The following EPS15 variants were observed in gnomAD, a reference collection of about 807,000 sequenced individuals.
The protein encoded by EPS15 is epidermal growth factor receptor pathway substrate 15.
A neutral mutation model predicts 113.8 loss-of-function variants in EPS15; 72 were observed. The observed-to-expected ratio is 0.63, with a 90% CI of 0.52 to 0.77. EPS15 has a LOEUF of 0.77. EPS15 is among the 30% of genes least tolerant of loss of function. The pLI, the probability that EPS15 is intolerant of heterozygous loss-of-function variation, is 0.00. For missense variants in EPS15, 1,048 were observed against 1,045.8 expected (o/e 1.00, Z -0.03); for synonymous variants, 344 against 363.4 (o/e 0.95, Z 0.61).
At chr1:51,373,900 G>A (rs1179352556) in intron 21 of EPS15, among the ~76,000 whole-genome samples, 6 of 152,104 alleles carry the variant, frequency 3.9e-5, no homozygotes, top group African/African-American at 9.7e-5. Flanking sequence ...GCAGTGAGCC[G>A]AGATTGCACC....
intron 16 of EPS15, among the ~76,000 whole-genome samples, 186 bp downstream of exon 16, chr1:51,405,719 A>G (rs150403504): frequency 6.6e-6 from 1 of 151,880 alleles, no homozygotes; most frequent in African/African-American, 2.4e-5. Context: ...AAAATTAGCT[A>G]AAGTTATCTT....
intron 1 of EPS15, among the ~76,000 whole-genome samples, chr1:51,489,286 C>CATATATATATATATATATATATATATAT (rs71063034): frequency 1.1e-4 from 15 of 141,732 alleles, no homozygotes; most frequent in African/African-American, 4.0e-4. Flanking sequence ...CCTAGTATAC[C>CATATATATATATATATATATATATATAT]ATATATATAT....
intron 1 of EPS15, among the ~76,000 whole-genome samples, chr1:51,503,894 C>T (rs977016333): frequency 1.3e-5 from 2 of 151,968 alleles, no homozygotes. Context: ...CAAAAGATAT[C>T]CACTAGCAAA....
At chr1:51,437,977 C>A (rs556474146) in intron 12 of EPS15, among the ~76,000 whole-genome samples, 1 of 152,040 alleles carries the variant, frequency 6.6e-6, no homozygotes, top group Non-Finnish European at 1.5e-5. Flanking sequence ...ATGGAAAAAA[C>A]GGTTATTCAC....
rs111863434 is a variant in EPS15 at position 51,505,119 on chromosome 1, C to CA, written c.33+14079dup. On this transcript the variant is annotated intron_variant, in intron 1 of 24. Transcript: ENST00000371733. The stretch of plus-strand genomic sequence containing the variant: ...TGGGTGAAAGAGTGAGACTGTGTCT[C>CA]AAAAAAAAAAAAATCTGCAGCTCTT... Among the ~76,000 whole-genome samples, 1,340 of 138,108 alleles carry CA rather than the reference C, an allele frequency of 9.7e-3. 10 individuals carry two copies. Among genetic ancestry groups the CA allele is most frequent in the Non-Finnish European group, 0.015 (931 of 63,422 alleles). 90.6% of individuals were successfully genotyped at this position (138,108 alleles called of 152,430 possible). A position where few individuals can be genotyped will look rare whatever the true frequency, so the allele number is the denominator to read the frequency against.
chr1:51,458,576 A>C (rs1247772459), intron 8 of EPS15: 2 of 441,578 alleles, frequency 4.5e-6, no homozygotes, highest in East Asian at 7.5e-5. Context: ...GTCTCTACTA[A>C]AAATATAAAA....
chr1:51,441,362 T>C (rs887786363), intron 11 of EPS15, among the ~76,000 whole-genome samples: 1 of 152,092 alleles, frequency 6.6e-6, no homozygotes, highest in East Asian at 1.9e-4. Context: ...ATGCCCCAGA[T>C]AGCTAGCTGA....
chr1:51,468,358 C>T, intron 5 of EPS15, 115 bp downstream of exon 5: 2 of 772,418 alleles, frequency 2.6e-6, no homozygotes, highest in Non-Finnish European at 2.2e-6. Flanking sequence ...AGCCAAGTAG[C>T]TGAGTGAAAG....
intron 8 of EPS15, 30 bp from the exon 9 acceptor site, chr1:51,448,165 T>C: frequency 2.1e-6 from 3 of 1,399,216 alleles, no homozygotes; most frequent in Non-Finnish European, 3.0e-6. Context: ...GGGTCATATA[T>C]ATTAAAAGCA....
rs370392477 is a variant in EPS15 at position 51,405,348 on chromosome 1, T to A, written c.1677+557A>T. 1.6e-3 allele frequency among the ~76,000 whole-genome samples: 242 copies of A among 151,574 alleles called. 1 individual carries two copies. Among genetic ancestry groups the A allele is most frequent in the African/African-American group, 5.6e-3 (231 of 41,314 alleles). On this transcript the variant is annotated intron_variant, in intron 16 of 24. Coordinates refer to ENST00000371733, the MANE Select transcript of EPS15 (RefSeq NM_001981.3). Reference sequence around the variant, plus strand: ...AATTTTAGCTTTTGGTGAGGGTACTTAAAAAAAAAGTTTTACTCTATAGAA... The same window carrying A: ...AATTTTAGCTTTTGGTGAGGGTACTAAAAAAAAAAGTTTTACTCTATAGAA...
At chr1:51,451,505 A>AAAAAAAAAAAAAAAAG (rs763389428) in intron 8 of EPS15, among the ~76,000 whole-genome samples, 1 of 147,560 alleles carries the variant, frequency 6.8e-6, no homozygotes, top group Admixed American at 6.8e-5. Context: ...AAAAAAAAAA[A>AAAAAAAAAAAAAAAAG]AAAGAAAGAA....
chr1:51,511,909 T>C (rs957384897), intron 1 of EPS15, among the ~76,000 whole-genome samples: 4 of 152,332 alleles, frequency 2.6e-5, no homozygotes, highest in Non-Finnish European at 5.9e-5. Context: ...ATTGTAATAA[T>C]CCCCAGTTTA....
chr1:51,497,571 C>CA (rs1644345876), intron 1 of EPS15, among the ~76,000 whole-genome samples: 1 of 152,152 alleles, frequency 6.6e-6, no homozygotes, highest in Non-Finnish European at 1.5e-5. Context: ...TGAATAGGCC[C>CA]ACACCCAATT....
chr1:51,511,114 C>T (rs1176328324), intron 1 of EPS15, among the ~76,000 whole-genome samples: 2 of 150,738 alleles, frequency 1.3e-5, no homozygotes, highest in African/African-American at 2.4e-5. Flanking sequence ...TACAGTGAGC[C>T]GAGATCACAC....
In EPS15 at chr1:51,356,559, ATC is replaced by A; in HGVS notation, c.*139_*140del. On this transcript the variant is annotated 3_prime_UTR_variant, in exon 25 of 25. Transcript: ENST00000371733. ...AATCTGTAATGAAGAAAAAAAAAAA[ATC>A]CTAAAATTTTGTCACATTTACAGGA... is the stretch of plus-strand genomic sequence containing the variant. The A allele has an allele frequency of 3.0e-6, 2 of 674,700 alleles. No homozygotes were observed. Among genetic ancestry groups the A allele is most frequent in the Admixed American group, 3.7e-5 (1 of 27,280 alleles). The allele number at this position is 674,700 out of a possible 1,614,324, so 41.8% of individuals were successfully genotyped here.
chr1:51,428,026 A>C (rs1651373703), intron 12 of EPS15, among the ~76,000 whole-genome samples: 1 of 152,208 alleles, frequency 6.6e-6, no homozygotes, highest in African/African-American at 2.4e-5. Flanking sequence ...AATCCTTAAT[A>C]AGATTATCAA....
intron 13 of EPS15, among the ~76,000 whole-genome samples, chr1:51,411,146 T>C (rs1199482738): frequency 1.3e-5 from 2 of 152,236 alleles, no homozygotes; most frequent in Non-Finnish European, 1.5e-5. Flanking sequence ...GTTTCTGTGA[T>C]TAAATAGAAC....
rs190825450 is a variant in EPS15 at position 51,476,928 on chromosome 1, G to T, written c.76-3980C>A. Among the ~76,000 whole-genome samples, 240 of 152,148 alleles carry T rather than the reference G, an allele frequency of 1.6e-3. 1 individual carries two copies. Among genetic ancestry groups the T allele is most frequent in the African/African-American group, 5.5e-3 (229 of 41,502 alleles). ...GTCTAAAATTCTCTTTTTTTGTTGT[G>T]TCTCTGCCAGGTTTTGGTATCAGGA... is the stretch of plus-strand genomic sequence containing the variant. On this transcript the variant is annotated intron_variant, in intron 2 of 24. Transcript: ENST00000371733.
chr1:51,358,100 A>G (rs1646284294), intron 24 of EPS15, among the ~76,000 whole-genome samples: 1 of 152,062 alleles, frequency 6.6e-6, no homozygotes, highest in African/African-American at 2.4e-5. Flanking sequence ...TTGAGCTCAG[A>G]AGTTCAAGAA....
Sources: gnomAD v4.1 joint callset for allele counts (sites outside exome capture counted in the v4.1 genomes callset) on GRCh38, gnomAD v4.1.1 for gene constraint, MANE v1.5 for transcripts, NCBI Gene and HGNC (gene_info 2026-07-23, HGNC 2026-07-21) for gene names.